Variants in COL5A1 observed in about 807,000 individuals in gnomAD.
COL5A1 encodes collagen type V alpha 1 chain, also known as collagen alpha-1(V) chain.
Under a neutral mutation model 263.7 loss-of-function variants are expected in COL5A1, and 16 were observed. The ratio of observed to expected loss-of-function variants is 0.06; its 90% CI spans 0.04 to 0.09. The LOEUF is 0.09. COL5A1 is among the 10% of genes least tolerant of loss of function. The pLI is 1.00. For missense variants in COL5A1, 2,036 were observed against 2,540.5 expected (o/e 0.80, Z 4.27); for synonymous variants, 1,012 against 1,004.5 (o/e 1.01, Z -0.14).
chr9:134,825,721 C>T (rs1289997877), intron 62 of COL5A1, 71 bp from the exon 63 acceptor site: 24 of 972,752 alleles, frequency 2.5e-5, no homozygotes, highest in Admixed American at 7.2e-5. Context: ...AATGTCACAG[C>T]GGCTTCCGGA....
chr9:134,726,750 G>GTGGATGGATGGATGGA (rs372291379), intron 4 of COL5A1, among the ~76,000 whole-genome samples: 1 of 150,710 alleles, frequency 6.6e-6, no homozygotes, highest in Non-Finnish European at 1.5e-5. Context: ...GAATGAAAGA[G>GTGGATGGATGGATGGA]TGGATGGATG....
chr9:134,743,065 CTGG>C (rs1479570932), intron 11 of COL5A1, among the ~76,000 whole-genome samples: 1 of 152,204 alleles, frequency 6.6e-6, no homozygotes, highest in Non-Finnish European at 1.5e-5. Context: ...TGCCCCAGAG[CTGG>C]TGTCCACGGA....
intron 29 of COL5A1, among the ~76,000 whole-genome samples, chr9:134,783,214 C>T (rs1383411885): frequency 1.3e-5 from 2 of 152,180 alleles, no homozygotes; most frequent in African/African-American, 4.8e-5. Context: ...GCGTCCTGGT[C>T]CCCAGACAGT....
intron 32 of COL5A1, among the ~76,000 whole-genome samples, chr9:134,790,887 A>G (rs1461841637): frequency 6.6e-6 from 1 of 151,934 alleles, no homozygotes; most frequent in Non-Finnish European, 1.5e-5. Context: ...AGTGTCTGGG[A>G]GAGGATATGG....
At chr9:134,810,568 G>A (rs888720648) in intron 44 of COL5A1, 1 of 506,338 alleles carries the variant, frequency 2.0e-6, no homozygotes, top group East Asian at 3.2e-5. Flanking sequence ...GAGTGTTTCT[G>A]TCCTAGAGGG....
chr9:134,810,153 A>G, intron 43 of COL5A1, 102 bp from the exon 44 acceptor site: 1 of 1,284,800 alleles, frequency 7.8e-7, no homozygotes, highest in South Asian at 1.2e-5. Context: ...CCACCTGGAA[A>G]GGACACTGTT....
intron 9 of COL5A1, among the ~76,000 whole-genome samples, chr9:134,734,961 A>C (rs942964697): frequency 6.6e-6 from 1 of 152,176 alleles, no homozygotes; most frequent in Non-Finnish European, 1.5e-5. Context: ...CTGTAATCCC[A>C]GCACTTTGGG....
chr9:134,659,337 C>T (rs112875378), intron 1 of COL5A1, among the ~76,000 whole-genome samples: 2,012 of 152,192 alleles, frequency 0.013, 42 homozygotes, highest in African/African-American at 0.045. Flanking sequence ...TGCAGTGAGC[C>T]GAGATGGCGC....
rs888988875 is a variant in COL5A1 at position 134,794,135 on chromosome 9, T to C, written c.2701-947T>C. On this transcript the variant is annotated intron_variant, in intron 32 of 65. Coordinates refer to ENST00000371817, the MANE Select transcript of COL5A1 (RefSeq NM_000093.5). The surrounding 1 kb of genome is among the most constrained non-coding windows in gnomAD (Gnocchi z 4.3). ...GAGGTCAAGAGATCGAGACCATCCT[T>C]GCCAACATGGTGAAACCCTGTCTCT... Among the ~76,000 whole-genome samples, 1 of 152,022 alleles carries C rather than the reference T, an allele frequency of 6.6e-6. No homozygotes were observed. Among genetic ancestry groups the C allele is most frequent in the African/African-American group, 2.4e-5 (1 of 41,390 alleles).
chr9:134,769,638 G>A (rs1836803211), intron 25 of COL5A1, among the ~76,000 whole-genome samples: 1 of 152,232 alleles, frequency 6.6e-6, no homozygotes, highest in Non-Finnish European at 1.5e-5. Flanking sequence ...TGGTGTCCAT[G>A]GAGTATGGGC....
intron 48 of COL5A1, 113 bp from the exon 49 acceptor site, chr9:134,813,870 G>A (rs1453638064): frequency 8.5e-7 from 1 of 1,180,586 alleles, no homozygotes; most frequent in Admixed American, 2.0e-5. Context: ...CCTGGGTCCT[G>A]GGTGCCCAGG....
intron 1 of COL5A1, among the ~76,000 whole-genome samples, chr9:134,670,374 T>A (rs1832501716): frequency 6.6e-6 from 1 of 152,248 alleles, no homozygotes; most frequent in African/African-American, 2.4e-5. Flanking sequence ...CAACAGGCAG[T>A]TGTCACCTGA....
intron 1 of COL5A1, among the ~76,000 whole-genome samples, chr9:134,679,723 C>T (rs111629259): frequency 0.037 from 2,058 of 54,952 alleles, 69 homozygotes; most frequent in African/African-American, 0.14. Flanking sequence ...GAGCTGGTTA[C>T]GGGGCACTGT....
chr9:134,772,607 C>T (rs1440819969), intron 25 of COL5A1, among the ~76,000 whole-genome samples, 183 bp from the exon 26 acceptor site: 1 of 152,204 alleles, frequency 6.6e-6, no homozygotes, highest in Non-Finnish European at 1.5e-5. Context: ...GGCCTGGCGG[C>T]TCGGGGAGGC....
At position 134,824,656 on chromosome 9, in the gene COL5A1, G is replaced by A; in HGVS notation, c.4755G>A (p.Arg1585=). The A allele has an allele frequency of 6.2e-7, 1 of 1,614,190 alleles. No homozygotes were observed. The highest frequency in any genetic ancestry group is 8.5e-7 in the Non-Finnish European group (1 of 1,180,030). Reference sequence around the variant, plus strand: ...CAATCCAGGCATCCAGGACGCGGCGGAACATCGACGCCAGCCAGCTGCTGG... The same window carrying A: ...CAATCCAGGCATCCAGGACGCGGCGAAACATCGACGCCAGCCAGCTGCTGG... ...PLPIQASRTR[R]NIDASQLLDD... The change falls in exon 62 of 66, where the codon CGG becomes CGA. Residue 1585 remains arginine, a synonymous_variant. Coordinates refer to ENST00000371817, the MANE Select transcript of COL5A1 (RefSeq NM_000093.5).
At chr9:134,772,408 C>T (rs573489241) in intron 25 of COL5A1, among the ~76,000 whole-genome samples, 2 of 152,376 alleles carry the variant, frequency 1.3e-5, no homozygotes, top group South Asian at 4.1e-4. Flanking sequence ...TGTCCCCACT[C>T]GTGGGTCACT....
chr9:134,802,736 A>C, intron 38 of COL5A1, 152 bp from the exon 39 acceptor site: 1 of 692,430 alleles, frequency 1.4e-6, no homozygotes, highest in Non-Finnish European at 2.6e-6. Context: ...TTTTGCCGGG[A>C]AGAGAAGGCT....
intron 4 of COL5A1, among the ~76,000 whole-genome samples, chr9:134,703,257 G>T (rs1156655345): frequency 6.6e-6 from 1 of 152,208 alleles, no homozygotes; most frequent in Non-Finnish European, 1.5e-5. Flanking sequence ...ACACCCTCCG[G>T]GCACACTTCT....
At chr9:134,788,921 T>G in intron 31 of COL5A1, among the ~76,000 whole-genome samples, 1 of 134,684 alleles carries the variant, frequency 7.4e-6, no homozygotes. Context: ...GACGGATGAA[T>G]GGGTAGGTGG....
Sources: gnomAD v4.1 joint callset for allele counts (sites outside exome capture counted in the v4.1 genomes callset) on GRCh38, gnomAD v4.1.1 for gene constraint, Gnocchi (gnomAD v3.1) non-coding constraint, MANE v1.5 for transcripts, NCBI Gene and HGNC (gene_info 2026-07-23, HGNC 2026-07-21) for gene names.